COL14A1: variants seen among roughly 807,000 people sequenced by gnomAD.
COL14A1 encodes collagen type XIV alpha 1 chain.
In COL14A1, 136 loss-of-function variants were observed where a neutral mutation model predicts 230.3. The ratio of observed to expected loss-of-function variants is 0.59; its 90% CI spans 0.51 to 0.68. The LOEUF is 0.68. COL14A1 is among the 30% of genes least tolerant of loss of function. COL14A1 has a pLI of 0.00. For missense variants in COL14A1, 1,976 were observed against 2,215.8 expected (o/e 0.89, Z 2.17); for synonymous variants, 792 against 784.1 (o/e 1.01, Z -0.17).
chr8:120,199,149 A>C (rs1817143698), intron 7 of COL14A1, among the ~76,000 whole-genome samples: 1 of 152,194 alleles, frequency 6.6e-6, no homozygotes, highest in Non-Finnish European at 1.5e-5. Flanking sequence ...TCCATTGGCC[A>C]TGAATTCAGT....
At chr8:120,269,865 G>A (rs754516824) in intron 25 of COL14A1, among the ~76,000 whole-genome samples, 170 bp from the exon 26 acceptor site, 3 of 151,746 alleles carry the variant, frequency 2.0e-5, no homozygotes, top group African/African-American at 7.3e-5. Context: ...AGTAATTACA[G>A]CAAAGAAGCA....
chr8:120,222,497 C>T (rs548259171), intron 14 of COL14A1, among the ~76,000 whole-genome samples: 1 of 152,234 alleles, frequency 6.6e-6, no homozygotes, highest in South Asian at 2.1e-4. Flanking sequence ...GACTTCATAT[C>T]CATGTGTGAC....
intron 15 of COL14A1, 103 bp from the exon 16 acceptor site, chr8:120,226,524 C>A: frequency 1.6e-6 from 2 of 1,255,944 alleles, no homozygotes; most frequent in Non-Finnish European, 2.2e-6. Flanking sequence ...TTTCCTAAAG[C>A]AAAAGATTCC....
At chr8:120,256,289 A>C (rs1819147730) in intron 23 of COL14A1, among the ~76,000 whole-genome samples, 1 of 152,210 alleles carries the variant, frequency 6.6e-6, no homozygotes, top group South Asian at 2.1e-4. Flanking sequence ...TCCAGATAAG[A>C]CTGGGTTTAG....
At chr8:120,250,572 T>C (rs778748803) in intron 21 of COL14A1, 45 bp from the exon 22 acceptor site, 1 of 1,599,178 alleles carries the variant, frequency 6.3e-7, no homozygotes, top group Non-Finnish European at 8.6e-7. Flanking sequence ...GCTTCTATTT[T>C]CCCATATTTT....
At chr8:120,308,875 C>G (rs1299792873) in intron 36 of COL14A1, among the ~76,000 whole-genome samples, 1 of 152,188 alleles carries the variant, frequency 6.6e-6, no homozygotes, top group Non-Finnish European at 1.5e-5. Flanking sequence ...CCTCCTAACA[C>G]TCATCTCCCT....
chr8:120,165,232 T>A (rs1220056031), intron 4 of COL14A1, among the ~76,000 whole-genome samples: 2 of 152,210 alleles, frequency 1.3e-5, no homozygotes, highest in Non-Finnish European at 2.9e-5. Context: ...TAAAGCCTAG[T>A]CTCCTCTTCC....
chr8:120,235,758 C>T (rs1022285306), intron 19 of COL14A1, among the ~76,000 whole-genome samples: 6 of 152,150 alleles, frequency 3.9e-5, no homozygotes, highest in Admixed American at 1.3e-4. Flanking sequence ...GCATTTAGTG[C>T]TGTAAGTTTC....
At chr8:120,192,588 G>C (rs866544458) in intron 5 of COL14A1, among the ~76,000 whole-genome samples, 1 of 152,018 alleles carries the variant, frequency 6.6e-6, no homozygotes, top group Non-Finnish European at 1.5e-5. Context: ...TCTGAATGTT[G>C]GCCTGCCTTG....
intron 29 of COL14A1, 39 bp from the exon 30 acceptor site, chr8:120,280,672 T>C (rs1235954139): frequency 1.3e-6 from 2 of 1,598,702 alleles, no homozygotes; most frequent in Non-Finnish European, 1.7e-6. Flanking sequence ...TTGTGAAATA[T>C]CCGAATTAGA....
chr8:120,210,806 G>T (rs1026618846), intron 12 of COL14A1, among the ~76,000 whole-genome samples: 3 of 152,068 alleles, frequency 2.0e-5, no homozygotes, highest in Non-Finnish European at 4.4e-5. Context: ...CAAAAAAATG[G>T]TGAATCTGAG....
chr8:120,370,785 CT>C (rs1823559901), intron 47 of COL14A1: 3 of 1,374,836 alleles, frequency 2.2e-6, no homozygotes, highest in Non-Finnish European at 2.9e-6. Flanking sequence ...CCTTCCTCCC[CT>C]GATCACCTCC....
At chr8:120,342,007 C>T (rs1055094450) in intron 43 of COL14A1, among the ~76,000 whole-genome samples, 1 of 152,168 alleles carries the variant, frequency 6.6e-6, no homozygotes, top group African/African-American at 2.4e-5. Flanking sequence ...TAACATCTTT[C>T]CTCTGGGTTG....
intron 44 of COL14A1, among the ~76,000 whole-genome samples, chr8:120,343,643 T>TA (rs1309557276): frequency 1.3e-5 from 2 of 152,232 alleles, no homozygotes; most frequent in African/African-American, 4.8e-5. Context: ...TAACGTTATT[T>TA]AATTTTCTGT....
chr8:120,304,737 A>C (rs966194644), intron 36 of COL14A1, among the ~76,000 whole-genome samples: 1 of 152,084 alleles, frequency 6.6e-6, no homozygotes, highest in African/African-American at 2.4e-5. Flanking sequence ...GGAAAGGGAG[A>C]AAATGGTTGA....
chr8:120,367,663 C>T (rs919576779), intron 46 of COL14A1, among the ~76,000 whole-genome samples: 9 of 150,458 alleles, frequency 6.0e-5, no homozygotes, highest in South Asian at 2.1e-4. Context: ...GGGCTGGGTG[C>T]GGTGGCTCAC....
intron 21 of COL14A1, 50 bp from the exon 22 acceptor site, chr8:120,250,567 T>C (rs1188574545): frequency 6.3e-7 from 1 of 1,592,064 alleles, no homozygotes; most frequent in South Asian, 1.1e-5. Context: ...AGAGTGCTTC[T>C]ATTTTCCCAT....
At chr8:120,314,920 A>C (rs1352152808) in intron 38 of COL14A1, among the ~76,000 whole-genome samples, 6 of 152,274 alleles carry the variant, frequency 3.9e-5, no homozygotes, top group African/African-American at 1.4e-4. Context: ...TCCAAGCCGT[A>C]AATAATACTG....
intron 15 of COL14A1, 68 bp from the exon 16 acceptor site, chr8:120,226,559 G>A: frequency 6.4e-7 from 1 of 1,550,644 alleles, no homozygotes; most frequent in South Asian, 1.2e-5. Context: ...ACACCCCTGG[G>A]AGATACTTGG....
Sources: gnomAD v4.1 joint callset for allele counts (sites outside exome capture counted in the v4.1 genomes callset) on GRCh38, gnomAD v4.1.1 for gene constraint, MANE v1.5 for transcripts, NCBI Gene and HGNC (gene_info 2026-07-23, HGNC 2026-07-21) for gene names.